Variants in RELN observed in about 807,000 individuals in gnomAD.
RELN encodes the protein reelin.
In RELN, 108 loss-of-function variants were observed where a neutral mutation model predicts 427.6. That is an observed-to-expected ratio of 0.25 (90% CI 0.22 to 0.30). RELN has a LOEUF of 0.30. Ranked by LOEUF, RELN falls within the 10% of genes least tolerant of loss-of-function variation. The pLI is 1.00. For synonymous variants in RELN, 1,524 were observed against 1,513.4 expected, an observed-to-expected ratio of 1.01 and a Z score of -0.16; for missense variants, 3,715 against 4,302.8, an observed-to-expected ratio of 0.86 and a Z score of 3.82.
At chr7:103,899,419 G>A (rs1427353131) in intron 2 of RELN, among the ~76,000 whole-genome samples, 1 of 152,044 alleles carries the variant, frequency 6.6e-6, no homozygotes, top group African/African-American at 2.4e-5. Context: ...AGAAAAAGAA[G>A]GACTCCTCCC....
chr7:103,822,058 C>T (rs73180201), intron 3 of RELN, among the ~76,000 whole-genome samples: 9,904 of 152,002 alleles, frequency 0.065, 693 homozygotes, highest in East Asian at 0.33. Context: ...ATTTATTTCT[C>T]AGTGCTAAAT....
Position 103,968,051 on chromosome 7 carries a change from T to C in RELN, c.226+21080A>G, listed in dbSNP as rs1796693208. On this transcript the variant is annotated intron_variant, in intron 1 of 64. Coordinates refer to ENST00000428762, the MANE Select transcript of RELN (RefSeq NM_005045.4). The surrounding 1 kb of genome is among the most constrained non-coding windows in gnomAD (Gnocchi z 4.3). ...TATTTTGTATATATATTTATATATA[T>C]GAATATATATATTTCTCAAAGTATA... 6.7e-6 allele frequency among the ~76,000 whole-genome samples: 1 copy of C among 149,118 alleles called. No homozygotes were observed. Among genetic ancestry groups the C allele is most frequent in the East Asian group, 1.9e-4 (1 of 5,162 alleles).
chr7:103,565,108 C>T (rs966935112), intron 34 of RELN, among the ~76,000 whole-genome samples, 170 bp downstream of exon 34: 1 of 152,166 alleles, frequency 6.6e-6, no homozygotes, highest in African/African-American at 2.4e-5. Flanking sequence ...GCTCTCTAGC[C>T]ACATTTAAAA....
intron 2 of RELN, among the ~76,000 whole-genome samples, chr7:103,905,135 C>T (rs1795172023): frequency 1.3e-5 from 2 of 151,942 alleles, no homozygotes; most frequent in African/African-American, 4.8e-5. Context: ...CATGTGCCAC[C>T]ACACCTGGCT....
chr7:103,806,121 T>A (rs142067819), intron 3 of RELN, among the ~76,000 whole-genome samples: 1 of 152,304 alleles, frequency 6.6e-6, no homozygotes, highest in African/African-American at 2.4e-5. Flanking sequence ...GCTTAATTTT[T>A]CAGGTGACAA....
chr7:103,579,556 G>A (rs530192965), intron 28 of RELN, among the ~76,000 whole-genome samples: 9 of 144,306 alleles, frequency 6.2e-5, no homozygotes, highest in East Asian at 2.0e-4. Context: ...CTAAGATTGC[G>A]CCCCTGCACT....
chr7:103,981,583 C>T (rs890138696), intron 1 of RELN, among the ~76,000 whole-genome samples: 4 of 152,152 alleles, frequency 2.6e-5, no homozygotes, highest in Non-Finnish European at 5.9e-5. Context: ...AGATGAAATA[C>T]ATATTAATTA....
intron 2 of RELN, among the ~76,000 whole-genome samples, chr7:103,907,721 T>A (rs1342511188): frequency 6.6e-6 from 1 of 151,938 alleles, no homozygotes; most frequent in African/African-American, 2.4e-5. Flanking sequence ...AAATTATAGC[T>A]TTAAAAGAAT....
At chr7:103,583,700 C>G (rs1374457823) in intron 28 of RELN, among the ~76,000 whole-genome samples, 1 of 152,186 alleles carries the variant, frequency 6.6e-6, no homozygotes, top group African/African-American at 2.4e-5. Context: ...CAGGAAACAC[C>G]TGAGGCACAA....
intron 1 of RELN, among the ~76,000 whole-genome samples, chr7:103,931,246 CA>C (rs1348617133): frequency 2.0e-5 from 3 of 152,166 alleles, no homozygotes; most frequent in African/African-American, 7.2e-5. Context: ...TATGTGAATA[CA>C]AGGGTTGTTA....
rs962002374 is a variant in RELN, at chr7:103,496,033, G to A, written c.9194-135C>T. The A allele has an allele frequency of 1.6e-5, 14 of 886,532 alleles. No homozygotes were observed. In the African/African-American group the frequency reaches 1.7e-4, roughly 11 times the overall value. 54.9% of individuals were successfully genotyped at this position (886,532 alleles called of 1,614,324 possible). A position where few individuals can be genotyped will look rare whatever the true frequency, so the allele number is the denominator to read the frequency against. ...AATTTTTATGCTCTACTAGCTTTCT[G>A]CTTACACTTTAGGATTGATTTTTAT... On this transcript the variant is annotated intron_variant, in intron 56 of 64. Transcript: ENST00000428762.
Position 103,574,161 on chromosome 7 carries a change from T to A in RELN, c.4442A>T (p.Lys1481Ile). ...GTGCGTLNDG[K>I]SLYFNGPGKR... ...CCCAGGGCCATTGAAGTAGAGAGAT[T>A]TGCCATCGTTAAGTGTTCCACAGCC... The change falls in exon 30 of 65, where the codon AAA (lysine) becomes ATA (isoleucine). Residue 1481 changes from lysine to isoleucine, a missense_variant. Physicochemically the swap from Lys to Ile is moderately radical, Grantham distance 102. Coordinates refer to ENST00000428762, the MANE Select transcript of RELN (RefSeq NM_005045.4). 1.2e-6 allele frequency: 2 copies of A among 1,614,176 alleles called. No homozygotes were observed. Among genetic ancestry groups the A allele is most frequent in the Non-Finnish European group, 1.7e-6 (2 of 1,180,024 alleles).
chr7:103,913,467 A>G (rs369195726), intron 2 of RELN, among the ~76,000 whole-genome samples: 1 of 152,158 alleles, frequency 6.6e-6, no homozygotes, highest in African/African-American at 2.4e-5. Context: ...GAGACTAATG[A>G]TAGATTATGT....
chr7:103,624,376 C>A lies in RELN; in HGVS notation c.2702+5564G>T, dbSNP rs536543288. The stretch of plus-strand genomic sequence containing the variant: ...TGGAAAATCAGGCTTCAAAGATCCT[C>A]CCACCACATCGTCACATACCACTCA... On this transcript the variant is annotated intron_variant, in intron 20 of 64. Transcript: ENST00000428762. Among the ~76,000 whole-genome samples, 7 of 152,262 alleles carry A rather than the reference C, an allele frequency of 4.6e-5. No homozygotes were observed. In the Middle Eastern group the frequency reaches 0.014, roughly 296 times the overall value.
At chr7:103,872,586 G>C (rs1263341767) in intron 2 of RELN, among the ~76,000 whole-genome samples, 1 of 136,076 alleles carries the variant, frequency 7.3e-6, no homozygotes, top group Admixed American at 7.5e-5. Flanking sequence ...CCCAGTAATG[G>C]GATGGCTGGG....
chr7:103,682,057 C>CGTCCAG, intron 11 of RELN, 59 bp downstream of exon 11: 1 of 1,508,784 alleles, frequency 6.6e-7, no homozygotes, highest in Non-Finnish European at 9.2e-7. Context: ...ATTTAAAACA[C>CGTCCAG]GTCCAGTAGA....
At position 103,557,144 on chromosome 7, in the gene RELN, G is replaced by T. The variant is rs1253194353; in HGVS notation, c.5630C>A (p.Ser1877Tyr). 2 of 1,612,530 alleles carry T rather than the reference G, an allele frequency of 1.2e-6. No homozygotes were observed. Among genetic ancestry groups the T allele is most frequent in the Non-Finnish European group, 1.7e-6 (2 of 1,178,550 alleles). ...GGAGAATTGTAACAGAATAGAGTGA[G>T]ATCTCTCTGGGGTACCTAGGAAGAA... is the stretch of plus-strand genomic sequence containing the variant. Reference protein sequence around the residue: ...RFIAKSTPERSHSILLQFSIS... With the variant: ...RFIAKSTPERYHSILLQFSIS... The change falls in exon 38 of 65, where the codon TCT (serine) becomes TAT (tyrosine). Residue 1877 changes from serine to tyrosine, a missense_variant. Physicochemically the swap from Ser to Tyr is moderately radical, Grantham distance 144. Around this residue, in one of 4 missense-constraint regions of RELN, gnomAD observed 2,208 missense variants for 2,361.7 expected, o/e 0.93. Coordinates refer to ENST00000428762, the MANE Select transcript of RELN (RefSeq NM_005045.4).
At chr7:103,705,276 A>G (rs1834175945) in intron 8 of RELN, among the ~76,000 whole-genome samples, 2 of 152,214 alleles carry the variant, frequency 1.3e-5, no homozygotes, top group Admixed American at 1.3e-4. Flanking sequence ...CAAAATTAGA[A>G]GTATTGATTT....
At chr7:103,760,233 A>T (rs1289537874) in intron 4 of RELN, among the ~76,000 whole-genome samples, 1 of 150,750 alleles carries the variant, frequency 6.6e-6, no homozygotes, top group African/African-American at 2.5e-5. Context: ...TGTCCAGGAG[A>T]CAAATCACAT....
Sources: allele counts gnomAD v4.1 joint callset (sites outside exome capture counted in the v4.1 genomes callset), GRCh38; gene constraint gnomAD v4.1.1; regional missense constraint gnomAD v4.1.1; non-coding constraint Gnocchi (gnomAD v3.1); transcripts MANE v1.5; gene names NCBI Gene and HGNC (gene_info 2026-07-23, HGNC 2026-07-21).